The following NSMCE2 variants were observed in gnomAD, a reference collection of about 807,000 sequenced individuals.
NSMCE2 encodes NSE2 SUMO ligase component of SMC5/6 complex.
A neutral mutation model predicts 23.8 loss-of-function variants in NSMCE2; 24 were observed. The ratio of observed to expected loss-of-function variants is 1.01; its 90% confidence interval spans 0.73 to 1.42. NSMCE2 has a LOEUF of 1.42. NSMCE2 is among the 40% of genes most tolerant of loss of function. The pLI is 0.00. For missense variants in NSMCE2, 284 were observed against 296.5 expected (o/e 0.96, Z 0.31); for synonymous variants, 92 against 94.1 (o/e 0.98, Z 0.13).
Position 125,256,165 on chromosome 8 carries a change from C to T in NSMCE2, c.418+73909C>T, listed in dbSNP as rs1826399591. ...GGGCATGGTGGCGTGCACCTGTAGT[C>T]CCAGCTACTCAGGAGGCTGAGGCAA... On this transcript the variant is annotated intron_variant, in intron 5 of 7. Transcript: ENST00000287437. 2.0e-5 allele frequency among the ~76,000 whole-genome samples: 3 copies of T among 151,944 alleles called. No homozygotes were observed. The South Asian group carries it at 6.2e-4, about 32-fold the overall frequency.
At chr8:125,256,748 A>G (rs1001311464) in intron 5 of NSMCE2, among the ~76,000 whole-genome samples, 1 of 151,262 alleles carries the variant, frequency 6.6e-6, no homozygotes, top group African/African-American at 2.4e-5. Context: ...ACATGGTGAA[A>G]CCCTGTCTCT....
intron 5 of NSMCE2, among the ~76,000 whole-genome samples, chr8:125,343,985 A>G (rs921290079): frequency 2.0e-5 from 3 of 152,124 alleles, no homozygotes; most frequent in African/African-American, 4.8e-5. Flanking sequence ...CAGCCTGGGG[A>G]ACAGAGGGAG....
chr8:125,266,995 T>C (rs1235176137), intron 5 of NSMCE2, among the ~76,000 whole-genome samples: 1 of 135,782 alleles, frequency 7.4e-6, no homozygotes, highest in Non-Finnish European at 1.6e-5. Flanking sequence ...AACTTTTCTT[T>C]TTTCTTTCTT....
At chr8:125,106,155 A>G (rs1278565223) in intron 3 of NSMCE2, among the ~76,000 whole-genome samples, 2 of 152,188 alleles carry the variant, frequency 1.3e-5, no homozygotes, top group Admixed American at 6.5e-5. Context: ...ATTCAGCTCT[A>G]GGTTTTAAAG....
intron 5 of NSMCE2, among the ~76,000 whole-genome samples, chr8:125,248,348 G>T (rs1374147832): frequency 6.6e-6 from 1 of 152,166 alleles, no homozygotes; most frequent in Non-Finnish European, 1.5e-5. Context: ...TAACATGGTT[G>T]CAAGATGTAT....
chr8:125,271,653 A>G (rs1827194902), intron 5 of NSMCE2, among the ~76,000 whole-genome samples: 1 of 152,190 alleles, frequency 6.6e-6, no homozygotes, highest in Admixed American at 6.5e-5. Context: ...CCTTTGGAAG[A>G]GTGCTGAATA....
At chr8:125,116,029 C>T (rs988192079) in intron 3 of NSMCE2, among the ~76,000 whole-genome samples, 1 of 152,138 alleles carries the variant, frequency 6.6e-6, no homozygotes, top group African/African-American at 2.4e-5. Flanking sequence ...GCATTTGGAC[C>T]CAGTTTGCCC....
chr8:125,224,963 T>G (rs1203434405), intron 5 of NSMCE2, among the ~76,000 whole-genome samples: 1 of 152,224 alleles, frequency 6.6e-6, no homozygotes, highest in Admixed American at 6.5e-5. Flanking sequence ...AGTACAGCAA[T>G]GATAATGTGA....
intron 5 of NSMCE2, among the ~76,000 whole-genome samples, chr8:125,215,175 G>A (rs6415489): frequency 0.47 from 68,231 of 144,228 alleles, 20,265 homozygotes; most frequent in African/African-American, 0.86. Context: ...ATATCTCCCA[G>A]TGCTATCCCT....
intron 7 of NSMCE2, among the ~76,000 whole-genome samples, chr8:125,359,586 G>A (rs1416250001): frequency 6.6e-6 from 1 of 152,078 alleles, no homozygotes; most frequent in African/African-American, 2.4e-5. Context: ...GCCCGCTTCG[G>A]CCTCCCAAAG....
chr8:125,110,606 A>T (rs1818684718), intron 3 of NSMCE2, among the ~76,000 whole-genome samples: 2 of 152,278 alleles, frequency 1.3e-5, no homozygotes, highest in Non-Finnish European at 2.9e-5. Flanking sequence ...CAAAGTTAGT[A>T]AATGTTTGAG....
rs192813754 is a variant in NSMCE2 at position 125,112,178 on chromosome 8, T to G, written c.157+9691T>G. On this transcript the variant is annotated intron_variant, in intron 3 of 7. Coordinates refer to ENST00000287437, the MANE Select transcript of NSMCE2 (RefSeq NM_173685.4). ...ATACCAGCAAAATAGCATTATAACT[T>G]AAATTAGTGAAGATTATTAAACATA... Among the ~76,000 whole-genome samples the G allele has an allele frequency of 8.3e-4, 127 of 152,242 alleles. 1 individual carries two copies. Among genetic ancestry groups the G allele is most frequent in the Non-Finnish European group, 1.6e-3 (110 of 68,048 alleles).
chr8:125,128,183 G>A (rs1819600203), intron 3 of NSMCE2, among the ~76,000 whole-genome samples: 1 of 152,302 alleles, frequency 6.6e-6, no homozygotes, highest in Non-Finnish European at 1.5e-5. Context: ...AGGGCAATGG[G>A]AAGGTGTTAA....
At chr8:125,289,937 C>T (rs893096761) in intron 5 of NSMCE2, among the ~76,000 whole-genome samples, 1 of 152,074 alleles carries the variant, frequency 6.6e-6, no homozygotes, top group Non-Finnish European at 1.5e-5. Flanking sequence ...TTATTTTCTC[C>T]CCTGAATGTT....
intron 5 of NSMCE2, among the ~76,000 whole-genome samples, chr8:125,320,440 T>A (rs1369502121): frequency 6.6e-6 from 1 of 151,948 alleles, no homozygotes; most frequent in Admixed American, 6.6e-5. Flanking sequence ...CAAGGGATCT[T>A]ACGATCAAAT....
intron 5 of NSMCE2, among the ~76,000 whole-genome samples, chr8:125,197,793 T>C (rs1310722370): frequency 2.0e-5 from 3 of 152,198 alleles, no homozygotes; most frequent in Non-Finnish European, 4.4e-5. Flanking sequence ...GTATGGCCAT[T>C]TTCACTATAT....
chr8:125,366,516 C>T (rs192193572), intron 7 of NSMCE2, among the ~76,000 whole-genome samples: 163 of 151,814 alleles, frequency 1.1e-3, no homozygotes, highest in African/African-American at 3.6e-3. Context: ...CTCCAGACTC[C>T]GTCTCAGAAA....
chr8:125,188,984 G>C (rs1015845635), intron 5 of NSMCE2, among the ~76,000 whole-genome samples: 2 of 152,158 alleles, frequency 1.3e-5, no homozygotes, highest in Non-Finnish European at 2.9e-5. Flanking sequence ...GTGCCAATAG[G>C]GAAAATATTT....
intron 5 of NSMCE2, among the ~76,000 whole-genome samples, chr8:125,334,568 C>G (rs2131307679): frequency 6.6e-6 from 1 of 152,152 alleles, no homozygotes; most frequent in African/African-American, 2.4e-5. Flanking sequence ...CTTCCCACCT[C>G]CCCCTGCTGG....
Sources: gnomAD v4.1 joint callset for allele counts (sites outside exome capture counted in the v4.1 genomes callset) on GRCh38, gnomAD v4.1.1 for gene constraint, MANE v1.5 for transcripts, NCBI Gene and HGNC (gene_info 2026-07-23, HGNC 2026-07-21) for gene names.